The following USP38 variants were observed in gnomAD, a reference collection of about 807,000 sequenced individuals.
USP38 encodes ubiquitin specific peptidase 38, also known as ubiquitin carboxyl-terminal hydrolase 38.
USP38 carries 49 observed loss-of-function variants against 94.3 expected under a neutral mutation model. The ratio of observed to expected loss-of-function variants is 0.52; its 90% CI spans 0.41 to 0.66. The LOEUF (loss-of-function observed/expected upper bound fraction) is 0.66, where lower values mean the gene tolerates loss of function less well. Ranked by LOEUF, USP38 falls within the 30% of genes least tolerant of loss-of-function variation. USP38 has a pLI of 0.00. For synonymous variants in USP38, 468 were observed against 463.6 expected, an observed-to-expected ratio of 1.01 and a Z score of -0.12; for missense variants, 1,128 against 1,229.4, an observed-to-expected ratio of 0.92 and a Z score of 1.23.
At chr4:143,215,747 G>C (rs1732168367) in intron 9 of USP38, among the ~76,000 whole-genome samples, 1 of 152,022 alleles carries the variant, frequency 6.6e-6, no homozygotes, top group Admixed American at 6.6e-5. Context: ...GAAAGATACA[G>C]ATAGAATAAG....
chr4:143,185,376 G>A lies in USP38; in HGVS notation c.-75G>A. On this transcript the variant is annotated 5_prime_UTR_variant, in exon 1 of 10. Coordinates refer to ENST00000307017, the MANE Select transcript of USP38 (RefSeq NM_032557.6). ...CGCTCCAAGTTCATCTCCGCCCCGGGGCTCTCCTGCCCCACCTCGGGGCTG... is the reference window on the plus strand; with the variant it reads ...CGCTCCAAGTTCATCTCCGCCCCGGAGCTCTCCTGCCCCACCTCGGGGCTG... 1 of 1,478,452 alleles carries A rather than the reference G, an allele frequency of 6.8e-7. No individual in the cohort carries two copies. Among genetic ancestry groups the A allele is most frequent in the South Asian group, 1.4e-5 (1 of 73,426 alleles). 91.6% of individuals were successfully genotyped at this position (1,478,452 alleles called of 1,614,324 possible). A position where few individuals can be genotyped will look rare whatever the true frequency, so the allele number is the denominator to read the frequency against.
chr4:143,203,556 A>T lies in USP38; in HGVS notation c.1199A>T (p.Glu400Val), dbSNP rs1731775915. ...CCAGATCTCTATGAACCTATTCTGGAGGCAATAAAGGTATGATGATAGTTG... is the reference window on the plus strand; with the variant it reads ...CCAGATCTCTATGAACCTATTCTGGTGGCAATAAAGGTATGATGATAGTTG... Reference protein sequence around the residue: ...GFPDLYEPILEAIKDFPKPSE... With the variant: ...GFPDLYEPILVAIKDFPKPSE... The change falls in exon 5 of 10, where the codon GAG (glutamate) becomes GTG (valine). Residue 400 changes from glutamate (E) to valine (V), a missense_variant. Physicochemically the swap from Glu to Val is moderately radical, Grantham distance 121. Transcript: ENST00000307017. 6.2e-7 allele frequency: 1 copy of T among 1,610,454 alleles called. No individual in the cohort carries two copies. The highest frequency in any genetic ancestry group is 2.2e-5 in the East Asian group (1 of 44,630).
At chr4:143,189,139 C>G (rs577904905) in intron 2 of USP38, among the ~76,000 whole-genome samples, 2 of 151,980 alleles carry the variant, frequency 1.3e-5, no homozygotes, top group Non-Finnish European at 2.9e-5. Context: ...ACTAAGGTAA[C>G]CATGAAGTGA....
At chr4:143,212,026 A>C (rs1352681310) in intron 7 of USP38, among the ~76,000 whole-genome samples, 1 of 152,178 alleles carries the variant, frequency 6.6e-6, no homozygotes, top group African/African-American at 2.4e-5. Context: ...AGAGTTAGAC[A>C]TGGGTTCTAC....
At chr4:143,200,780 G>GAT (rs1388143501) in intron 4 of USP38, among the ~76,000 whole-genome samples, 1 of 152,052 alleles carries the variant, frequency 6.6e-6, no homozygotes. Flanking sequence ...ATTCACAATT[G>GAT]CCACAAAAAG....
At chr4:143,218,457 T>TC (rs1350404249) in intron 9 of USP38, among the ~76,000 whole-genome samples, 3 of 152,062 alleles carry the variant, frequency 2.0e-5, no homozygotes, top group Non-Finnish European at 4.4e-5. Context: ...TAAAAGACAG[T>TC]TTTTCCTATT....
chr4:143,192,733 C>G (rs1731434188), intron 2 of USP38, among the ~76,000 whole-genome samples: 1 of 152,006 alleles, frequency 6.6e-6, no homozygotes, highest in Non-Finnish European at 1.5e-5. Context: ...AATGCCAACA[C>G]ACTGGGGATT....
In USP38 at chr4:143,221,657, G is replaced by A. The variant is rs1439174657; in HGVS notation, c.*1201G>A. On this transcript the variant is annotated 3_prime_UTR_variant, in exon 10 of 10. Coordinates refer to ENST00000307017, the MANE Select transcript of USP38 (RefSeq NM_032557.6). The stretch of plus-strand genomic sequence containing the variant: ...AAACATGTCAGTTCTCCTGGTTCTT[G>A]ATTATACAGTACTCAAGAGTTATCC... 1.3e-5 allele frequency: 2 copies of A among 152,038 alleles called. No individual in the cohort carries two copies. The highest frequency in any genetic ancestry group is 2.9e-5 in the Non-Finnish European group (2 of 67,966). 9.4% of individuals were successfully genotyped at this position (152,038 alleles called of 1,614,324 possible).
rs1235222823 is a variant in USP38 at position 143,223,787 on chromosome 4, A to G, written c.*3331A>G. The G allele has an allele frequency of 6.6e-6, 1 of 152,018 alleles. No homozygotes were observed. The highest frequency in any genetic ancestry group is 1.5e-5 in the Non-Finnish European group (1 of 67,980). The allele number at this position is 152,018 out of a possible 1,614,324, so 9.4% of individuals were successfully genotyped here. A position where few individuals can be genotyped will look rare whatever the true frequency, so the allele number is the denominator to read the frequency against. On this transcript the variant is annotated 3_prime_UTR_variant, in exon 10 of 10. Transcript: ENST00000307017. ...AATGACTATTTCAAAAATACTGTAC[A>G]TTTATATATAGTATTTTTTCTCATA...
At chr4:143,211,985 A>T (rs942105767) in intron 7 of USP38, among the ~76,000 whole-genome samples, 2 of 152,160 alleles carry the variant, frequency 1.3e-5, no homozygotes, top group Non-Finnish European at 2.9e-5. Context: ...CATGACTGTC[A>T]TAGAGGGATG....
intron 6 of USP38, among the ~76,000 whole-genome samples, chr4:143,207,546 A>G (rs1178799606): frequency 6.6e-6 from 1 of 152,206 alleles, no homozygotes; most frequent in Admixed American, 6.5e-5. Flanking sequence ...TAAAAAAGAA[A>G]GAAAGAGAGA....
rs146631373 is a variant in USP38, at chr4:143,223,134, C to G, written c.*2678C>G. On this transcript the variant is annotated 3_prime_UTR_variant, in exon 10 of 10. Coordinates refer to ENST00000307017, the MANE Select transcript of USP38 (RefSeq NM_032557.6). Reference sequence around the variant, plus strand: ...AAATATATATGATGTCACACAAGCTCCAGTAAGCTATCCACTAAGCAGGTG... The same window carrying G: ...AAATATATATGATGTCACACAAGCTGCAGTAAGCTATCCACTAAGCAGGTG... The G allele has an allele frequency of 6.6e-6, 1 of 152,202 alleles. No individual in the cohort carries two copies. The highest frequency in any genetic ancestry group is 2.4e-5 in the African/African-American group (1 of 41,562). The allele number at this position is 152,202 out of a possible 1,614,324, so 9.4% of individuals were successfully genotyped here.
chr4:143,215,037 T>TTGAA (rs1430629923), intron 9 of USP38, 94 bp downstream of exon 9: 1 of 1,262,880 alleles, frequency 7.9e-7, no homozygotes, highest in Non-Finnish European at 1.1e-6. Flanking sequence ...CATGAGTTTT[T>TTGAA]ATTAAATTCT....
intron 9 of USP38, among the ~76,000 whole-genome samples, chr4:143,217,493 G>A (rs1055179237): frequency 5.9e-5 from 9 of 152,176 alleles, no homozygotes; most frequent in East Asian, 5.8e-4. Context: ...AACTTAAATC[G>A]TAAAAGTAAG....
At chr4:143,192,533 T>C (rs1731425590) in intron 2 of USP38, among the ~76,000 whole-genome samples, 1 of 150,606 alleles carries the variant, frequency 6.6e-6, no homozygotes, top group Non-Finnish European at 1.5e-5. Context: ...GGAGTGTCTC[T>C]ATCAGATCCC....
chr4:143,200,284 A>T (rs1361474669), intron 4 of USP38, among the ~76,000 whole-genome samples: 2 of 152,224 alleles, frequency 1.3e-5, no homozygotes, highest in African/African-American at 2.4e-5. Flanking sequence ...GACATAAACT[A>T]CATGGTTATA....
intron 2 of USP38, among the ~76,000 whole-genome samples, chr4:143,195,278 A>G (rs1581157992): frequency 6.6e-6 from 1 of 152,184 alleles, no homozygotes; most frequent in African/African-American, 2.4e-5. Context: ...GAGTGCTGAC[A>G]TGATGCTCAA....
chr4:143,210,946 A>G (rs1044147157), intron 7 of USP38, among the ~76,000 whole-genome samples: 47 of 152,144 alleles, frequency 3.1e-4, no homozygotes, highest in African/African-American at 1.1e-3. Context: ...TATCTGGGGA[A>G]AGTATGTTCA....
intron 6 of USP38, among the ~76,000 whole-genome samples, chr4:143,208,807 C>A (rs546723829): frequency 1.3e-5 from 2 of 151,684 alleles, no homozygotes; most frequent in Non-Finnish European, 2.9e-5. Context: ...TCATTTGTAG[C>A]ATCTGGACTT....
Sources: allele counts gnomAD v4.1 joint callset (sites outside exome capture counted in the v4.1 genomes callset), GRCh38; gene constraint gnomAD v4.1.1; transcripts MANE v1.5; gene names NCBI Gene and HGNC (gene_info 2026-07-23, HGNC 2026-07-21).